The following CMSS1 variants were observed in gnomAD, a reference collection of about 807,000 sequenced individuals.
The protein encoded by CMSS1 is protein CMSS1.
CMSS1 carries 33 observed loss-of-function variants against 43.5 expected under a neutral mutation model. The observed-to-expected ratio is 0.76, with a 90% CI of 0.57 to 1.01. CMSS1 has a LOEUF of 1.01. Ranked by LOEUF, CMSS1 falls within the 50% of genes least tolerant of loss-of-function variation. The probability of loss-of-function intolerance (pLI) is 0.00; values close to 1 mark genes in which losing one functional copy is unlikely to be tolerated. For missense variants in CMSS1, 313 were observed against 326.4 expected (o/e 0.96, Z 0.32); for synonymous variants, 115 against 117.2 (o/e 0.98, Z 0.12).
chr3:100,016,668 A>T (rs1710350469), intron 1 of CMSS1, among the ~76,000 whole-genome samples: 1 of 152,246 alleles, frequency 6.6e-6, no homozygotes, highest in Non-Finnish European at 1.5e-5. Flanking sequence ...GCTCTTTCAC[A>T]TGTAAAGTCC....
intron 1 of CMSS1, among the ~76,000 whole-genome samples, chr3:100,015,770 C>A (rs553943790): frequency 1.3e-5 from 2 of 152,260 alleles, no homozygotes; most frequent in South Asian, 4.1e-4. Flanking sequence ...CAGCCTGGTA[C>A]ACAGAAGGCA....
chr3:99,902,641 C>G (rs1009716786), intron 1 of CMSS1, among the ~76,000 whole-genome samples: 11 of 152,110 alleles, frequency 7.2e-5, no homozygotes, highest in Admixed American at 7.2e-4. Context: ...ACTGGACAAC[C>G]AAAAAGATTA....
chr3:100,075,163 G>T (rs1431611050), intron 1 of CMSS1, among the ~76,000 whole-genome samples: 1 of 152,180 alleles, frequency 6.6e-6, no homozygotes. Context: ...ATTAGATAGA[G>T]ATCGTCAAAA....
chr3:100,068,555 A>G (rs542066804), intron 1 of CMSS1, among the ~76,000 whole-genome samples: 1 of 152,348 alleles, frequency 6.6e-6, no homozygotes, highest in East Asian at 1.9e-4. Context: ...ACCCACTGCA[A>G]GTTTCATATA....
rs571806906 is a variant in CMSS1, at chr3:99,935,626, C to G, written c.64+117583C>G. 3.9e-4 allele frequency among the ~76,000 whole-genome samples: 60 copies of G among 152,322 alleles called. 1 individual carries two copies. Among genetic ancestry groups the G allele is most frequent in the African/African-American group, 1.4e-3 (58 of 41,550 alleles). ...TTGACCTCTACCCTGTTCCTCACCC[C>G]CTGATGGATCCCGTGATAGCAGGGT... is the stretch of plus-strand genomic sequence containing the variant. On this transcript the variant is annotated intron_variant, in intron 1 of 9. Coordinates refer to ENST00000421999, the MANE Select transcript of CMSS1 (RefSeq NM_032359.4).
chr3:99,820,013 A>C (rs1353494935), intron 1 of CMSS1, among the ~76,000 whole-genome samples: 1 of 151,614 alleles, frequency 6.6e-6, no homozygotes, highest in African/African-American at 2.4e-5. Context: ...TCGGCCTCCC[A>C]AAGTGCTGGG....
chr3:99,859,861 A>G (rs892943009), intron 1 of CMSS1, among the ~76,000 whole-genome samples: 1 of 152,154 alleles, frequency 6.6e-6, no homozygotes, highest in Non-Finnish European at 1.5e-5. Flanking sequence ...AAATTTTAAG[A>G]GCACTCATAA....
chr3:100,145,160 G>A (rs572284574), intron 1 of CMSS1, among the ~76,000 whole-genome samples: 4 of 152,026 alleles, frequency 2.6e-5, no homozygotes, highest in African/African-American at 9.7e-5. Flanking sequence ...TACATATTAG[G>A]CTGGGTATGG....
At chr3:99,927,612 G>C (rs1029844927) in intron 1 of CMSS1, among the ~76,000 whole-genome samples, 5 of 151,978 alleles carry the variant, frequency 3.3e-5, no homozygotes, top group Admixed American at 6.5e-5. Flanking sequence ...CAGGTGATCT[G>C]CCTGCCTCGG....
At chr3:100,157,654 C>T (rs573845155) in intron 2 of CMSS1, among the ~76,000 whole-genome samples, 4 of 152,262 alleles carry the variant, frequency 2.6e-5, no homozygotes, top group South Asian at 2.1e-4. Flanking sequence ...GGAATAGGGA[C>T]AGGAAATGGA....
chr3:99,845,288 CATG>C (rs1309927039), intron 1 of CMSS1, among the ~76,000 whole-genome samples: 2 of 152,136 alleles, frequency 1.3e-5, no homozygotes, highest in African/African-American at 2.4e-5. Context: ...ATAGAAAAAA[CATG>C]ATAAAATCAT....
intron 1 of CMSS1, among the ~76,000 whole-genome samples, chr3:99,899,332 A>G (rs1396440672): frequency 6.6e-6 from 1 of 152,174 alleles, no homozygotes; most frequent in Non-Finnish European, 1.5e-5. Flanking sequence ...TGTTTTGGTC[A>G]TTTCTTATTA....
chr3:100,000,907 T>C (rs1168960618), intron 1 of CMSS1, among the ~76,000 whole-genome samples: 1 of 152,216 alleles, frequency 6.6e-6, no homozygotes, highest in Non-Finnish European at 1.5e-5. Flanking sequence ...TCAAAGCCTG[T>C]AGTTGACCTA....
intron 1 of CMSS1, among the ~76,000 whole-genome samples, chr3:100,029,562 A>G (rs2064987615): frequency 6.6e-6 from 1 of 152,220 alleles, no homozygotes; most frequent in Non-Finnish European, 1.5e-5. Context: ...TTTATTAAAG[A>G]CATAGCTTTT....
intron 1 of CMSS1, among the ~76,000 whole-genome samples, chr3:100,141,042 T>C (rs1451017363): frequency 6.6e-6 from 1 of 152,086 alleles, no homozygotes; most frequent in Non-Finnish European, 1.5e-5. Flanking sequence ...CTACTTACAG[T>C]TTTATATTTT....
rs566126049 is a variant in CMSS1 at position 99,972,793 on chromosome 3, A to G, written c.64+154750A>G. Reference sequence around the variant, plus strand: ...CTGGGTGTTAATGATGTTAACTTCCATAAGTGTGAGGCAAGAAAATTCCAT... The same window carrying G: ...CTGGGTGTTAATGATGTTAACTTCCGTAAGTGTGAGGCAAGAAAATTCCAT... On this transcript the variant is annotated intron_variant, in intron 1 of 9. Coordinates refer to ENST00000421999, the MANE Select transcript of CMSS1 (RefSeq NM_032359.4). Among the ~76,000 whole-genome samples the G allele has an allele frequency of 3.9e-5, 6 of 152,356 alleles. No homozygotes were observed. The East Asian group carries it at 9.6e-4, about 24-fold the overall frequency.
At chr3:100,042,408 C>A (rs1194005890) in intron 1 of CMSS1, among the ~76,000 whole-genome samples, 1 of 152,178 alleles carries the variant, frequency 6.6e-6, no homozygotes, top group Non-Finnish European at 1.5e-5. Flanking sequence ...GTTTCGTCAG[C>A]TAGCCTGTGA....
At chr3:99,835,007 C>A (rs530226393) in intron 1 of CMSS1, among the ~76,000 whole-genome samples, 1 of 152,224 alleles carries the variant, frequency 6.6e-6, no homozygotes, top group Non-Finnish European at 1.5e-5. Context: ...TGATCATCAT[C>A]AGCATCATCT....
At chr3:100,009,879 A>T (rs1427994377) in intron 1 of CMSS1, among the ~76,000 whole-genome samples, 1 of 152,208 alleles carries the variant, frequency 6.6e-6, no homozygotes, top group Non-Finnish European at 1.5e-5. Context: ...AATATGTATG[A>T]GAGCCAAGTG....
Sources: gnomAD v4.1 joint callset for allele counts (sites outside exome capture counted in the v4.1 genomes callset) on GRCh38, gnomAD v4.1.1 for gene constraint, MANE v1.5 for transcripts, NCBI Gene and HGNC (gene_info 2026-07-23, HGNC 2026-07-21) for gene names.